BSN: variants seen among roughly 807,000 people sequenced by gnomAD.
BSN encodes bassoon presynaptic cytomatrix protein.
BSN carries 57 observed loss-of-function variants against 264.8 expected under a neutral mutation model. That is an observed-to-expected ratio of 0.22 (90% CI 0.17 to 0.27). The LOEUF (loss-of-function observed/expected upper bound fraction) is 0.27. Among genes scored for constraint, BSN ranks in the 10% least tolerant of loss-of-function variants. The pLI is 1.00. For missense variants in BSN, 4,615 were observed against 5,232.5 expected (o/e 0.88, Z 3.64); for synonymous variants, 2,059 against 2,137.3 (o/e 0.96, Z 1.01).
chr3:49,662,983 A>G lies in BSN; in HGVS notation c.10825A>G (p.Lys3609Glu). ...GGHAVSSSSQ[K>E]RGPARHSYHD... is the part of the protein sequence containing the mutation. Reference sequence around the variant, plus strand: ...CCATGCAGTTTCCTCCTCCTCCCAGAAGCGAGGCCCTGCCAGGCACAGCTA... The same window carrying G: ...CCATGCAGTTTCCTCCTCCTCCCAGGAGCGAGGCCCTGCCAGGCACAGCTA... Residue 3609 changes from lysine to glutamate, a missense_variant, in exon 7 of 12, where the codon AAG (lysine) becomes GAG (glutamate). Lys to Glu is a moderately conservative substitution (Grantham distance 56, BLOSUM62 1). Transcript: ENST00000296452. 6.2e-7 allele frequency: 1 copy of G among 1,614,124 alleles called. No homozygotes were observed. Among genetic ancestry groups the G allele is most frequent in the Non-Finnish European group, 8.5e-7 (1 of 1,180,002 alleles).
intron 1 of BSN, among the ~76,000 whole-genome samples, chr3:49,595,057 AT>A (rs1198393828): frequency 6.6e-6 from 1 of 151,770 alleles, no homozygotes; most frequent in African/African-American, 2.4e-5. Context: ...TGCCCGGCTA[AT>A]TTTTTGTATT....
Position 49,656,744 on chromosome 3 carries a change from G to C in BSN, c.7188G>C (p.Arg2396=). ...RQLRLQEELE[R]ERVELQRHRE... ...TTCGGCTGCAAGAGGAGCTAGAGCG[G>C]GAACGTGTGGAGCTGCAGAGGCACC... Residue 2396 remains arginine, a synonymous_variant, in exon 5 of 12, where the codon CGG becomes CGC. Transcript: ENST00000296452. 1.3e-6 allele frequency: 2 copies of C among 1,576,936 alleles called. No homozygotes were observed. Among genetic ancestry groups the C allele is most frequent in the African/African-American group, 1.3e-5 (1 of 74,554 alleles).
chr3:49,628,238 G>C (rs1456952273), intron 2 of BSN, among the ~76,000 whole-genome samples: 1 of 152,194 alleles, frequency 6.6e-6, no homozygotes, highest in African/African-American at 2.4e-5. Context: ...TCAAGCTGCT[G>C]TGTAGATCTG....
intron 1 of BSN, among the ~76,000 whole-genome samples, chr3:49,622,222 G>T: frequency 6.6e-6 from 1 of 152,146 alleles, no homozygotes; most frequent in Admixed American, 6.5e-5. Context: ...ATCAGTGGCA[G>T]TTAAGAGACA....
Position 49,661,511 on chromosome 3 carries a change from T to C in BSN, c.9666T>C (p.Ser3222=), listed in dbSNP as rs1202577881. 1 of 1,613,920 alleles carries C rather than the reference T, an allele frequency of 6.2e-7. No homozygotes were observed. Among genetic ancestry groups the C allele is most frequent in the Non-Finnish European group, 8.5e-7 (1 of 1,180,036 alleles). ...ACCCCTCTGACTCACACTATACCAG[T>C]CTGGAGCAGAACGTTCCTCGAAACT... is the stretch of plus-strand genomic sequence containing the variant. ...PTYPSDSHYT[S]LEQNVPRNYV... is the part of the protein sequence containing the mutation. The change falls in exon 6 of 12, where the codon AGT becomes AGC. Residue 3222 remains serine (S), a synonymous_variant. Transcript: ENST00000296452.
In BSN at chr3:49,662,399, A is replaced by G. The variant is rs745625885; in HGVS notation, c.10554A>G (p.Gly3518=). Residue 3518 remains glycine, a synonymous_variant, in exon 6 of 12, where the codon GGA becomes GGG. Coordinates refer to ENST00000296452, the MANE Select transcript of BSN (RefSeq NM_003458.4). ...VSPLGRPRPA[G]GPLPPGGDTC... is the part of the protein sequence containing the mutation. ...CTTTGGGGAGGCCCCGCCCTGCCGGAGGGCCCCTCCCTCCCGGCGGGGATA... is the reference window on the plus strand; with the variant it reads ...CTTTGGGGAGGCCCCGCCCTGCCGGGGGGCCCCTCCCTCCCGGCGGGGATA... 2 of 1,613,510 alleles carry G rather than the reference A, an allele frequency of 1.2e-6. No individual in the cohort carries two copies. The highest frequency in any genetic ancestry group is 1.7e-6 in the Non-Finnish European group (2 of 1,179,976).
Position 49,655,190 on chromosome 3 carries a change from G to C in BSN, c.5634G>C (p.Leu1878=). 3.1e-6 allele frequency: 5 copies of C among 1,612,956 alleles called. No homozygotes were observed. Among genetic ancestry groups the C allele is most frequent in the Non-Finnish European group, 3.4e-6 (4 of 1,179,902 alleles). ...GEGTAGTVTT[L]LPEEPAGALD... is the part of the protein sequence containing the mutation. ...GCACAGCAGGCACTGTGACCACACT[G>C]CTCCCAGAGGAGCCTGCGGGTGCCC... The change falls in exon 5 of 12, where the codon CTG becomes CTC. Residue 1878 remains leucine (L), a synonymous_variant. Coordinates refer to ENST00000296452, the MANE Select transcript of BSN (RefSeq NM_003458.4).
intron 1 of BSN, among the ~76,000 whole-genome samples, chr3:49,606,327 A>ATATATAATATATATTAAAATATATAT (rs2052151553): frequency 2.0e-5 from 1 of 50,274 alleles, no homozygotes; most frequent in South Asian, 1.1e-3. Context: ...TATTAAAAAT[A>ATATATAATATATATTAAAATATATAT]TATATATATT....
At chr3:49,592,628 G>A (rs938854741) in intron 1 of BSN, among the ~76,000 whole-genome samples, 2 of 151,190 alleles carry the variant, frequency 1.3e-5, no homozygotes, top group Non-Finnish European at 3.0e-5. Flanking sequence ...GCGGGCGCCT[G>A]TAGTCCCAGC....
At position 49,654,036 on chromosome 3, in the gene BSN, G is replaced by A. The variant is rs2108084174; in HGVS notation, c.4480G>A (p.Gly1494Ser). ...SPSESPTFSP[G>S]KMGPRATAEF... ...CTCAGAGAGTCCCACATTCTCCCCTGGCAAGATGGGCCCAAGGGCCACAGC... is the reference window on the plus strand; with the variant it reads ...CTCAGAGAGTCCCACATTCTCCCCTAGCAAGATGGGCCCAAGGGCCACAGC... Residue 1494 changes from glycine to serine, a missense_variant, in exon 5 of 12, where the codon GGC becomes AGC. By Grantham distance (56) the Gly-to-Ser change is moderately conservative. This residue lies in a region of BSN where 3,415 missense variants were observed against 3,866.4 expected (regional missense o/e 0.88). Transcript: ENST00000296452. The surrounding 1 kb of genome is among the most constrained non-coding windows in gnomAD (Gnocchi z 4.1). 6.2e-7 allele frequency: 1 copy of A among 1,613,790 alleles called. No individual in the cohort carries two copies. The highest frequency in any genetic ancestry group is 2.2e-5 in the East Asian group (1 of 44,880).
chr3:49,630,771 GA>G (rs1201097747), intron 2 of BSN, among the ~76,000 whole-genome samples: 1 of 152,032 alleles, frequency 6.6e-6, no homozygotes, highest in African/African-American at 2.4e-5. Context: ...AAATGGTAGA[GA>G]AAAAAAGAAA....
At chr3:49,583,500 T>C (rs902599395) in intron 1 of BSN, among the ~76,000 whole-genome samples, 6 of 152,152 alleles carry the variant, frequency 3.9e-5, no homozygotes, top group Non-Finnish European at 8.8e-5. Flanking sequence ...ATCCCAGCAC[T>C]GTGGGAGGCT....
chr3:49,575,461 AAT>A (rs751014503), intron 1 of BSN, among the ~76,000 whole-genome samples: 79 of 146,888 alleles, frequency 5.4e-4, no homozygotes, highest in African/African-American at 1.3e-3. Flanking sequence ...TATATATGTA[AAT>A]ATATATATGT....
intron 1 of BSN, among the ~76,000 whole-genome samples, chr3:49,600,373 A>C (rs1185627650): frequency 6.6e-6 from 1 of 152,128 alleles, no homozygotes; most frequent in Non-Finnish European, 1.5e-5. Context: ...GCTGGAAAGG[A>C]AGGCTGGACT....
Position 49,562,164 on chromosome 3 carries a change from C to G in BSN, c.224+7338C>G, listed in dbSNP as rs553548739. Among the ~76,000 whole-genome samples the G allele has an allele frequency of 3.3e-5, 5 of 152,310 alleles. No individual in the cohort carries two copies. In the East Asian group the frequency reaches 9.6e-4, roughly 29 times the overall value. ...CTAACTGAAACATCTCCTCAACCTT[C>G]CCTTCTACCTCCTACTGTGTCACCT... On this transcript the variant is annotated intron_variant, in intron 1 of 11. Transcript: ENST00000296452.
chr3:49,664,738 C>T, intron 9 of BSN, 61 bp from the exon 10 acceptor site: 1 of 1,592,244 alleles, frequency 6.3e-7, no homozygotes, highest in East Asian at 2.2e-5. Flanking sequence ...TGCCAAGTGG[C>T]CCTGACTGGG....
At chr3:49,592,828 A>G (rs890409702) in intron 1 of BSN, among the ~76,000 whole-genome samples, 1 of 152,124 alleles carries the variant, frequency 6.6e-6, no homozygotes, top group African/African-American at 2.4e-5. Context: ...ATGTTTAGCA[A>G]AATGGTGCAG....
chr3:49,567,351 G>GT (rs1452308300), intron 1 of BSN, among the ~76,000 whole-genome samples: 1 of 152,152 alleles, frequency 6.6e-6, no homozygotes, highest in Non-Finnish European at 1.5e-5. Context: ...TTTTTGATCA[G>GT]TTTTCTGTTG....
chr3:49,628,757 C>T (rs1299170492), intron 2 of BSN, among the ~76,000 whole-genome samples: 1 of 152,186 alleles, frequency 6.6e-6, no homozygotes, highest in Non-Finnish European at 1.5e-5. Flanking sequence ...CTGGGTTATT[C>T]TGGAGCAAAA....
Sources: allele counts gnomAD v4.1 joint callset (sites outside exome capture counted in the v4.1 genomes callset), GRCh38; gene constraint gnomAD v4.1.1; regional missense constraint gnomAD v4.1.1; non-coding constraint Gnocchi (gnomAD v3.1); transcripts MANE v1.5; gene names NCBI Gene and HGNC (gene_info 2026-07-23, HGNC 2026-07-21).